NUP37: variants seen among roughly 807,000 people sequenced by gnomAD.
NUP37 encodes the protein nucleoporin Nup37.
NUP37 carries 33 observed loss-of-function variants against 45.4 expected under a neutral mutation model. That is an observed-to-expected ratio of 0.73 (90% CI 0.55 to 0.97). The LOEUF (loss-of-function observed/expected upper bound fraction) is 0.97, where lower values mean the gene tolerates loss of function less well. Among genes scored for constraint, NUP37 ranks in the 50% least tolerant of loss-of-function variants. The probability of loss-of-function intolerance (pLI) is 0.00; values close to 1 mark genes in which losing one functional copy is unlikely to be tolerated. For synonymous variants in NUP37, 127 were observed against 130.7 expected (o/e 0.97, Z 0.19); for missense variants, 365 against 389.7 (o/e 0.94, Z 0.53).
chr12:102,096,245 T>C (rs1160943230), intron 5 of NUP37, among the ~76,000 whole-genome samples: 1 of 152,150 alleles, frequency 6.6e-6, no homozygotes, highest in Non-Finnish European at 1.5e-5. Flanking sequence ...CCAACTTTAA[T>C]GAGAACCCAA....
chr12:102,105,195 C>A (rs1257848677), intron 3 of NUP37, among the ~76,000 whole-genome samples: 15 of 152,140 alleles, frequency 9.9e-5, no homozygotes, highest in Admixed American at 9.8e-4. Context: ...ACTACATTAG[C>A]ATTTATTTTG....
intron 6 of NUP37, among the ~76,000 whole-genome samples, chr12:102,082,373 T>C (rs1269818978): frequency 1.3e-5 from 2 of 152,164 alleles, no homozygotes; most frequent in Non-Finnish European, 2.9e-5. Context: ...AATTCTGGGC[T>C]TGCAGAGCAC....
At chr12:102,096,969 C>T (rs755420894) in intron 5 of NUP37, among the ~76,000 whole-genome samples, 3 of 151,952 alleles carry the variant, frequency 2.0e-5, no homozygotes, top group East Asian at 3.9e-4. Flanking sequence ...CCGAAAATCT[C>T]GGTGGTTTAC....
At chr12:102,113,872 T>C (rs1880385977) in intron 2 of NUP37, among the ~76,000 whole-genome samples, 1 of 152,252 alleles carries the variant, frequency 6.6e-6, no homozygotes, top group African/African-American at 2.4e-5. Context: ...TATACTGATT[T>C]TTCCAGGATA....
At chr12:102,086,814 T>C (rs573255354) in intron 5 of NUP37, among the ~76,000 whole-genome samples, 212 of 152,242 alleles carry the variant, frequency 1.4e-3, no homozygotes, top group Non-Finnish European at 2.7e-3. Flanking sequence ...CTGGGTGCCA[T>C]GGCTCATGCC....
In NUP37 at chr12:102,077,329, G is replaced by C. The variant is rs144473944; in HGVS notation, c.715C>G (p.Arg239Gly). 1.2e-6 allele frequency: 2 copies of C among 1,613,960 alleles called. No individual in the cohort carries two copies. Among genetic ancestry groups the C allele is most frequent in the African/African-American group, 1.3e-5 (1 of 75,030 alleles). Residue 239 changes from arginine (R) to glycine (G), a missense_variant, in exon 7 of 10, where the codon CGG (arginine) becomes GGG (glycine). By Grantham distance (125) the Arg-to-Gly change is moderately radical. Coordinates refer to ENST00000552283, the MANE Select transcript of NUP37 (RefSeq NM_024057.4). ...AACATATCAAGAAAGTACCTGGACCGAGTAATATCCCAAATTAACCAATCA... is the reference window on the plus strand; with the variant it reads ...AACATATCAAGAAAGTACCTGGACCCAGTAATATCCCAAATTAACCAATCA... The part of the protein sequence containing the change: ...GNDWLIWDIT[R>G]SSYPQNKRPV...
Position 102,073,196 on chromosome 12 carries a change from G to A in NUP37, c.*1158C>T, listed in dbSNP as rs1879079088. The A allele has an allele frequency of 6.6e-6, 1 of 152,064 alleles. No individual in the cohort carries two copies. Among genetic ancestry groups the A allele is most frequent in the Non-Finnish European group, 1.5e-5 (1 of 68,000 alleles). The allele number at this position is 152,064 out of a possible 1,614,324, so 9.4% of individuals were successfully genotyped here. A position where few individuals can be genotyped will look rare whatever the true frequency, so the allele number is the denominator to read the frequency against. On this transcript the variant is annotated 3_prime_UTR_variant, in exon 10 of 10. Coordinates refer to ENST00000552283, the MANE Select transcript of NUP37 (RefSeq NM_024057.4). ...CAAGAGGAAATGAAGCTTCAAAAAGGGCATTAACTTGCAGGAATGGGCAGT... is the reference window on the plus strand; with the variant it reads ...CAAGAGGAAATGAAGCTTCAAAAAGAGCATTAACTTGCAGGAATGGGCAGT...
chr12:102,117,319 G>A (rs1303288237), intron 2 of NUP37, among the ~76,000 whole-genome samples: 1 of 151,384 alleles, frequency 6.6e-6, no homozygotes, highest in Non-Finnish European at 1.5e-5. Context: ...GTGTGGTGGT[G>A]CATGCCTGTA....
intron 5 of NUP37, among the ~76,000 whole-genome samples, chr12:102,090,801 G>A (rs1879628751): frequency 6.6e-6 from 1 of 152,044 alleles, no homozygotes; most frequent in Admixed American, 6.6e-5. Context: ...AGAAAAAAAA[G>A]CACTGGCCTA....
intron 6 of NUP37, among the ~76,000 whole-genome samples, chr12:102,085,240 C>T (rs757144706): frequency 6.6e-6 from 1 of 151,834 alleles, no homozygotes; most frequent in African/African-American, 2.4e-5. Context: ...GGTAACATGG[C>T]GAAACCTCAG....
intron 8 of NUP37, among the ~76,000 whole-genome samples, chr12:102,076,117 T>C (rs1006350832): frequency 2.2e-4 from 33 of 152,222 alleles, no homozygotes; most frequent in Admixed American, 3.3e-4. Flanking sequence ...AATTGATGGA[T>C]ACTTGCTCAT....
At chr12:102,115,284 T>C (rs1347860649) in intron 2 of NUP37, among the ~76,000 whole-genome samples, 1 of 152,132 alleles carries the variant, frequency 6.6e-6, no homozygotes, top group African/African-American at 2.4e-5. Flanking sequence ...TCTGATATGG[T>C]GGCCACTAGC....
chr12:102,084,708 C>CA (rs749376130), intron 6 of NUP37, among the ~76,000 whole-genome samples: 355 of 104,282 alleles, frequency 3.4e-3, no homozygotes, highest in South Asian at 9.4e-3. Context: ...GGCTGTGTCT[C>CA]AAAAAAAAAA....
At chr12:102,091,160 G>A (rs1879639831) in intron 5 of NUP37, among the ~76,000 whole-genome samples, 1 of 152,040 alleles carries the variant, frequency 6.6e-6, no homozygotes, top group South Asian at 2.1e-4. Flanking sequence ...ACCTTGGGAG[G>A]CTGAGGCAGG....
intron 5 of NUP37, among the ~76,000 whole-genome samples, chr12:102,086,748 C>T (rs977673967): frequency 6.6e-5 from 10 of 152,148 alleles, no homozygotes; most frequent in East Asian, 5.8e-4. Context: ...TGACAGAACT[C>T]GGTGGGAGGC....
intron 3 of NUP37, among the ~76,000 whole-genome samples, chr12:102,108,397 G>A (rs1880218393): frequency 6.6e-6 from 1 of 152,136 alleles, no homozygotes; most frequent in Admixed American, 6.5e-5. Flanking sequence ...GGGGCTCTTG[G>A]GCCTTAGGCC....
At chr12:102,085,635 C>A in intron 6 of NUP37, 131 bp downstream of exon 6, 1 of 459,386 alleles carries the variant, frequency 2.2e-6, no homozygotes, top group South Asian at 4.2e-5. Context: ...TAGACTAATC[C>A]AAATGCCTTT....
At chr12:102,115,894 G>C in intron 2 of NUP37, 2 of 574,110 alleles carry the variant, frequency 3.5e-6, no homozygotes, top group East Asian at 2.9e-4. Flanking sequence ...ATGTTTAACA[G>C]TGTTTAGCTA....
At chr12:102,108,657 G>A (rs1308754503) in intron 3 of NUP37, among the ~76,000 whole-genome samples, 1 of 151,980 alleles carries the variant, frequency 6.6e-6, no homozygotes, top group Admixed American at 6.6e-5. Context: ...GCAAATAAAG[G>A]GTAAGAAAAA....
Sources: allele counts gnomAD v4.1 joint callset (sites outside exome capture counted in the v4.1 genomes callset), GRCh38; gene constraint gnomAD v4.1.1; transcripts MANE v1.5; gene names NCBI Gene and HGNC (gene_info 2026-07-23, HGNC 2026-07-21).